CDYL: variants seen among roughly 807,000 people sequenced by gnomAD.
CDYL encodes the protein chromodomain Y like.
In CDYL, 8 loss-of-function variants were observed where a neutral mutation model predicts 47.3. That is an observed-to-expected ratio of 0.17 (90% CI 0.10 to 0.31). The LOEUF (loss-of-function observed/expected upper bound fraction) is 0.31. Ranked by LOEUF, CDYL falls within the 10% of genes least tolerant of loss-of-function variation. CDYL has a pLI of 1.00. For missense variants in CDYL, 471 were observed against 701.4 expected (o/e 0.67, Z 3.71); for synonymous variants, 266 against 265.0 (o/e 1.00, Z -0.04).
intron 2 of CDYL, among the ~76,000 whole-genome samples, chr6:4,919,113 A>C (rs1757637818): frequency 1.3e-5 from 2 of 152,194 alleles, no homozygotes; most frequent in African/African-American, 4.8e-5. Flanking sequence ...AGACCGGAAC[A>C]AAACAAGTTC....
At chr6:4,950,628 A>C (rs1758669155) in intron 5 of CDYL, among the ~76,000 whole-genome samples, 2 of 152,046 alleles carry the variant, frequency 1.3e-5, no homozygotes, top group African/African-American at 2.4e-5. Flanking sequence ...GGTTTCTAGA[A>C]CTTCTCCAGA....
intron 2 of CDYL, among the ~76,000 whole-genome samples, chr6:4,927,946 T>C (rs1270611308): frequency 2.6e-5 from 4 of 152,254 alleles, no homozygotes; most frequent in Non-Finnish European, 5.9e-5. Context: ...TTATACCAGC[T>C]TATTGATTCA....
At chr6:4,806,385 A>C (rs1369957063) in intron 1 of CDYL, among the ~76,000 whole-genome samples, 1 of 152,228 alleles carries the variant, frequency 6.6e-6, no homozygotes, top group South Asian at 2.1e-4. Context: ...TCATTCTGGC[A>C]TCCCCCTACC....
chr6:4,873,939 A>G (rs1761544232), intron 1 of CDYL, among the ~76,000 whole-genome samples: 1 of 152,118 alleles, frequency 6.6e-6, no homozygotes, highest in Admixed American at 6.5e-5. Context: ...CTGGGTACAC[A>G]TGTGCGTGTC....
At chr6:4,918,381 T>A (rs1757616396) in intron 2 of CDYL, among the ~76,000 whole-genome samples, 1 of 128,368 alleles carries the variant, frequency 7.8e-6, no homozygotes. Context: ...CCCCCCCCCT[T>A]TTTTTTGGCA....
chr6:4,822,880 CTCT>C (rs1407775294), intron 1 of CDYL, among the ~76,000 whole-genome samples: 1 of 152,214 alleles, frequency 6.6e-6, no homozygotes, highest in Non-Finnish European at 1.5e-5. Context: ...GGGAATTTCT[CTCT>C]TCTTGCATGT....
chr6:4,764,796 T>C (rs1043755058), intron 3 of CDYL, among the ~76,000 whole-genome samples: 4 of 152,206 alleles, frequency 2.6e-5, no homozygotes, highest in Admixed American at 6.5e-5. Context: ...AATGCACCTG[T>C]CCCAGTAACT....
At chr6:4,735,720 C>G (rs183600848) in intron 3 of CDYL, among the ~76,000 whole-genome samples, 2 of 151,944 alleles carry the variant, frequency 1.3e-5, no homozygotes, top group Non-Finnish European at 1.5e-5. Context: ...GAGCTGAGAT[C>G]GCTCCACTGC....
At chr6:4,833,499 G>A (rs1760206860) in intron 1 of CDYL, among the ~76,000 whole-genome samples, 1 of 150,456 alleles carries the variant, frequency 6.6e-6, no homozygotes, top group Non-Finnish European at 1.5e-5. Context: ...CCAAGTATGT[G>A]GTCAATTTTG....
At chr6:4,869,929 A>G (rs959333803) in intron 1 of CDYL, among the ~76,000 whole-genome samples, 1 of 152,164 alleles carries the variant, frequency 6.6e-6, no homozygotes, top group Non-Finnish European at 1.5e-5. Context: ...ATGGTTTTGC[A>G]TTACTGTCTG....
intron 1 of CDYL, among the ~76,000 whole-genome samples, chr6:4,786,137 A>G (rs1364759224): frequency 3.3e-5 from 5 of 152,228 alleles, no homozygotes; most frequent in African/African-American, 9.6e-5. Context: ...GTCAGCAGGA[A>G]TTCTCCTAAG....
intron 2 of CDYL, among the ~76,000 whole-genome samples, chr6:4,897,979 C>T (rs921825569): frequency 6.6e-6 from 1 of 151,748 alleles, no homozygotes; most frequent in Non-Finnish European, 1.5e-5. Context: ...AAGGCGTGAA[C>T]CCAGGAGGCA....
chr6:4,908,287 C>A (rs1757299863), intron 2 of CDYL, among the ~76,000 whole-genome samples: 3 of 152,120 alleles, frequency 2.0e-5, no homozygotes, highest in Non-Finnish European at 4.4e-5. Flanking sequence ...GGGAAAGGGT[C>A]CGGAACCGGG....
At chr6:4,706,140 T>G (rs190847093), upstream of CDYL, 1 of 152,222 alleles carries the variant, frequency 6.6e-6, no homozygotes, top group Non-Finnish European at 1.5e-5. Flanking sequence ...TGGAGTTCAG[T>G]GACCCCTTTG....
rs928977224 is a variant in CDYL at position 4,758,605 on chromosome 6, G to A, written c.186+23761G>A. ...TTGAACCCGTGAGGCAGAGGTTGCCGTGAGCCGAGATCATGCCACTGCACT... is the reference window on the plus strand; with the variant it reads ...TTGAACCCGTGAGGCAGAGGTTGCCATGAGCCGAGATCATGCCACTGCACT... On this transcript the variant is annotated intron_variant, in intron 3 of 8. Transcript: ENST00000328908. 7.9e-5 allele frequency among the ~76,000 whole-genome samples: 12 copies of A among 151,860 alleles called. No individual in the cohort carries two copies. The South Asian group carries it at 1.0e-3, about 13-fold the overall frequency.
At chr6:4,895,785 C>T (rs893309193) in intron 2 of CDYL, among the ~76,000 whole-genome samples, 3 of 152,162 alleles carry the variant, frequency 2.0e-5, no homozygotes, top group African/African-American at 7.2e-5. Flanking sequence ...GCAACAAGAA[C>T]CTTCATTCCT....
intron 2 of CDYL, 64 bp downstream of exon 2, chr6:4,892,443 A>G: frequency 6.7e-7 from 1 of 1,497,708 alleles, no homozygotes; most frequent in South Asian, 1.3e-5. Flanking sequence ...CCTTCTCTAG[A>G]GATCAGGCCT....
At chr6:4,827,324 A>G (rs1760007656) in intron 1 of CDYL, among the ~76,000 whole-genome samples, 1 of 152,138 alleles carries the variant, frequency 6.6e-6, no homozygotes, top group Non-Finnish European at 1.5e-5. Context: ...CCATGTTGCT[A>G]TTTGTTTTCT....
intron 2 of CDYL, among the ~76,000 whole-genome samples, chr6:4,911,550 G>T (rs1488027520): frequency 6.6e-6 from 1 of 152,126 alleles, no homozygotes; most frequent in Non-Finnish European, 1.5e-5. Flanking sequence ...TGCTAAAGGG[G>T]GTCCTTGGTT....
Sources: gnomAD v4.1 joint callset for allele counts (sites outside exome capture counted in the v4.1 genomes callset) on GRCh38, gnomAD v4.1.1 for gene constraint, MANE v1.5 for transcripts, NCBI Gene and HGNC (gene_info 2026-07-23, HGNC 2026-07-21) for gene names.